Variants in DNAJC13 observed in about 807,000 individuals in gnomAD.
The protein encoded by DNAJC13 is dnaJ homolog subfamily C member 13.
Under a neutral mutation model 290.5 loss-of-function variants are expected in DNAJC13, and 75 were observed. The observed-to-expected ratio is 0.26, with a 90% CI of 0.21 to 0.31. The LOEUF is 0.31. Ranked by LOEUF, DNAJC13 falls within the 10% of genes least tolerant of loss-of-function variation. The pLI, the probability that DNAJC13 is intolerant of heterozygous loss-of-function variation, is 1.00. For missense variants in DNAJC13, 2,260 were observed against 2,674.5 expected (o/e 0.85, Z 3.42); for synonymous variants, 862 against 892.0 (o/e 0.97, Z 0.60).
At chr3:132,445,318 A>AT (rs1348801090) in intron 2 of DNAJC13, among the ~76,000 whole-genome samples, 1 of 152,126 alleles carries the variant, frequency 6.6e-6, no homozygotes, top group African/African-American at 2.4e-5. Context: ...ATGTTAATAG[A>AT]TTTTTCTAAT....
chr3:132,443,711 T>A (rs1933149111), intron 2 of DNAJC13, among the ~76,000 whole-genome samples: 1 of 152,082 alleles, frequency 6.6e-6, no homozygotes, highest in Admixed American at 6.6e-5. Flanking sequence ...AGGAGCGGCA[T>A]GGGGAGTACT....
intron 20 of DNAJC13, among the ~76,000 whole-genome samples, chr3:132,470,561 G>C (rs1214854192): frequency 2.6e-4 from 35 of 133,976 alleles, no homozygotes; most frequent in Non-Finnish European, 1.8e-4. Context: ...CAGTAGGGGC[G>C]GCCGGGCAGA....
chr3:132,526,597 A>G (rs1185275516), intron 53 of DNAJC13, among the ~76,000 whole-genome samples: 1 of 152,208 alleles, frequency 6.6e-6, no homozygotes, highest in African/African-American at 2.4e-5. Context: ...TTGGCTATCC[A>G]TTGTGCAATT....
intron 48 of DNAJC13, among the ~76,000 whole-genome samples, chr3:132,517,528 G>A (rs1419508861): frequency 2.6e-5 from 4 of 152,138 alleles, no homozygotes; most frequent in African/African-American, 9.7e-5. Flanking sequence ...AGGCTCAGGA[G>A]TCCTACTTTC....
intron 6 of DNAJC13, among the ~76,000 whole-genome samples, chr3:132,451,719 T>C (rs569883654): frequency 6.6e-6 from 1 of 152,298 alleles, no homozygotes; most frequent in South Asian, 2.1e-4. Context: ...GTTTTGTAGA[T>C]AAAATATCGT....
intron 5 of DNAJC13, 126 bp from the exon 6 acceptor site, chr3:132,450,521 G>T: frequency 6.4e-6 from 4 of 621,958 alleles, no homozygotes; most frequent in Non-Finnish European, 1.1e-5. Context: ...AATTTGGATA[G>T]TAGCTCTAAA....
chr3:132,493,429 A>G (rs983392535), intron 33 of DNAJC13, among the ~76,000 whole-genome samples: 1 of 152,068 alleles, frequency 6.6e-6, no homozygotes, highest in Non-Finnish European at 1.5e-5. Flanking sequence ...AACATGAGAT[A>G]CTAGATACAG....
At chr3:132,505,471 A>G (rs946902536) in intron 42 of DNAJC13, 56 bp downstream of exon 42, 13 of 1,136,908 alleles carry the variant, frequency 1.1e-5, no homozygotes, top group African/African-American at 1.6e-5. Flanking sequence ...AATCTCTGGA[A>G]GTACAGCAGT....
intron 2 of DNAJC13, among the ~76,000 whole-genome samples, chr3:132,436,130 T>A (rs146856608): frequency 1.6e-3 from 238 of 152,274 alleles, no homozygotes; most frequent in Non-Finnish European, 2.8e-3. Flanking sequence ...TTGTAAACCA[T>A]CATCACTGTT....
chr3:132,455,720 TAAGC>T (rs1428448086), intron 9 of DNAJC13, among the ~76,000 whole-genome samples: 2 of 152,200 alleles, frequency 1.3e-5, no homozygotes, highest in Non-Finnish European at 2.9e-5. Context: ...ATAAGTAAAA[TAAGC>T]AAGACACCTA....
intron 45 of DNAJC13, among the ~76,000 whole-genome samples, chr3:132,513,579 T>C (rs1438748330): frequency 6.6e-6 from 1 of 152,220 alleles, no homozygotes; most frequent in Non-Finnish European, 1.5e-5. Flanking sequence ...CTACCTTTTC[T>C]GTGAGGGTTA....
Position 132,467,276 on chromosome 3 carries a change from T to C in DNAJC13, c.2171T>C (p.Met724Thr), listed in dbSNP as rs1934028308. 1 of 1,613,996 alleles carries C rather than the reference T, an allele frequency of 6.2e-7. No homozygotes were observed. Among genetic ancestry groups the C allele is most frequent in the Non-Finnish European group, 8.5e-7 (1 of 1,179,956 alleles). Residue 724 changes from methionine (M) to threonine (T), a missense_variant, in exon 20 of 56, where the codon ATG (methionine) becomes ACG (threonine). This residue lies in a region of DNAJC13 where 762 missense variants were observed against 964.1 expected (regional missense o/e 0.79). Transcript: ENST00000260818. Reference protein sequence around the residue: ...FAKEKVDLVLMHWRDRMGIAQ... With the variant: ...FAKEKVDLVLTHWRDRMGIAQ... ...AAAGAAAAAGTGGATCTTGTATTGA[T>C]GCACTGGAGGGATAGGATGGGCATT... is the stretch of plus-strand genomic sequence containing the variant.
intron 3 of DNAJC13, 137 bp downstream of exon 3, chr3:132,446,687 A>G (rs1218500820): frequency 1.1e-5 from 6 of 562,668 alleles, no homozygotes; most frequent in Non-Finnish European, 1.9e-5. Context: ...ATGTGCTTAC[A>G]TAATACTCTG....
intron 46 of DNAJC13, 130 bp downstream of exon 46, chr3:132,514,800 T>C (rs1459591398): frequency 7.4e-6 from 5 of 678,728 alleles, no homozygotes; most frequent in Non-Finnish European, 1.0e-5. Context: ...TTACACTAGA[T>C]TTGTCTTCCT....
Position 132,537,111 on chromosome 3 carries a change from C to T in DNAJC13, c.6626-1065C>T, listed in dbSNP as rs1166249901. On this transcript the variant is annotated intron_variant, in intron 55 of 55. Coordinates refer to ENST00000260818, the MANE Select transcript of DNAJC13 (RefSeq NM_015268.4). ...TCATCAAACTACTCTGCTGTTTGCA[C>T]TTCCTCACAACTTCCCTTGCTGCTT... is the stretch of plus-strand genomic sequence containing the variant. 3 of 456,148 alleles carry T rather than the reference C, an allele frequency of 6.6e-6. No homozygotes were observed. In the East Asian group the frequency reaches 2.1e-4, roughly 32 times the overall value. The allele number at this position is 456,148 out of a possible 1,614,324, so 28.3% of individuals were successfully genotyped here. A position where few individuals can be genotyped will look rare whatever the true frequency, so the allele number is the denominator to read the frequency against.
chr3:132,422,079 G>A (rs1157891184), intron 1 of DNAJC13, among the ~76,000 whole-genome samples: 1 of 151,206 alleles, frequency 6.6e-6, no homozygotes. Context: ...TGCCCAGGCT[G>A]GAATGCAGTG....
chr3:132,479,191 A>T, intron 24 of DNAJC13, 36 bp from the exon 25 acceptor site: 2 of 1,411,038 alleles, frequency 1.4e-6, no homozygotes, highest in Non-Finnish European at 2.0e-6. Context: ...TTTTATTTCT[A>T]TTCACTTCTG....
chr3:132,471,382 G>A (rs1183236533), intron 20 of DNAJC13, among the ~76,000 whole-genome samples: 2 of 146,496 alleles, frequency 1.4e-5, no homozygotes, highest in Non-Finnish European at 3.0e-5. Flanking sequence ...GGTGGCTGCC[G>A]GGCGGAGATG....
intron 38 of DNAJC13, 107 bp from the exon 39 acceptor site, chr3:132,500,687 A>G: frequency 1.4e-6 from 2 of 1,425,540 alleles, no homozygotes; most frequent in Admixed American, 1.9e-5. Flanking sequence ...CATTGTATAT[A>G]CCATTAAGCA....
Sources: allele counts gnomAD v4.1 joint callset (sites outside exome capture counted in the v4.1 genomes callset), GRCh38; gene constraint gnomAD v4.1.1; regional missense constraint gnomAD v4.1.1; transcripts MANE v1.5; gene names NCBI Gene and HGNC (gene_info 2026-07-23, HGNC 2026-07-21).